Variants in IL15 observed in about 807,000 individuals in gnomAD.
IL15 encodes the protein interleukin-15.
A neutral mutation model predicts 19.6 loss-of-function variants in IL15; 11 were observed. The observed-to-expected ratio is 0.56, with a 90% CI of 0.35 to 0.93. IL15 has a LOEUF of 0.93. IL15 is among the 40% of genes least tolerant of loss of function. The pLI is 0.01. For missense variants in IL15, 197 were observed against 186.5 expected (o/e 1.06, Z -0.33); for synonymous variants, 58 against 59.6 (o/e 0.97, Z 0.12).
chr4:141,667,880 T>C (rs777321075), intron 2 of IL15, among the ~76,000 whole-genome samples: 6 of 152,308 alleles, frequency 3.9e-5, no homozygotes, highest in Admixed American at 2.0e-4. Context: ...ATCACTGTCG[T>C]CATCTACCAT....
At chr4:141,716,032 T>A (rs1729872252) in intron 2 of IL15, 1 of 151,824 alleles carries the variant, frequency 6.6e-6, no homozygotes, top group South Asian at 2.1e-4. Flanking sequence ...TGACTACGAG[T>A]CTAAGGGACA....
intron 4 of IL15, chr4:141,721,286 T>C: frequency 1.5e-6 from 1 of 687,028 alleles, no homozygotes; most frequent in Non-Finnish European, 2.6e-6. Context: ...CATTCCAATG[T>C]TACTTGGTCA....
At chr4:141,637,924 C>T (rs1018857450) in intron 1 of IL15, among the ~76,000 whole-genome samples, 1 of 152,074 alleles carries the variant, frequency 6.6e-6, no homozygotes, top group African/African-American at 2.4e-5. Flanking sequence ...ATGCATCCTG[C>T]CATGTAGAGG....
In IL15 at chr4:141,729,786, C is replaced by T. The variant is rs548976549; in HGVS notation, c.241-61C>T. ...ATTGACTTTTTGAAAATCAAAATTA[C>T]ATCAGTATGAAAATTAATAATCAGA... On this transcript the variant is annotated intron_variant, in intron 6 of 7. Transcript: ENST00000320650. 54 of 894,350 alleles carry T rather than the reference C, an allele frequency of 6.0e-5. 1 individual carries two copies. The African/African-American group carries it at 7.5e-4, about 12-fold the overall frequency. 55.4% of individuals were successfully genotyped at this position (894,350 alleles called of 1,614,324 possible).
At chr4:141,676,913 T>C (rs1388905629) in intron 2 of IL15, among the ~76,000 whole-genome samples, 1 of 152,176 alleles carries the variant, frequency 6.6e-6, no homozygotes, top group African/African-American at 2.4e-5. Flanking sequence ...TGCCACACTA[T>C]GAGGAAGAAG....
intron 7 of IL15, among the ~76,000 whole-genome samples, chr4:141,730,760 C>T (rs1178432251): frequency 6.6e-6 from 1 of 152,074 alleles, no homozygotes. Flanking sequence ...CATGGCAAAA[C>T]ACCAGTGGCC....
chr4:141,713,263 A>G (rs1729767818), intron 2 of IL15, among the ~76,000 whole-genome samples: 1 of 152,216 alleles, frequency 6.6e-6, no homozygotes, highest in Admixed American at 6.5e-5. Context: ...GCTGTACTTA[A>G]ATTAGGACTG....
chr4:141,662,254 T>C (rs1727816543), intron 2 of IL15, among the ~76,000 whole-genome samples: 1 of 152,244 alleles, frequency 6.6e-6, no homozygotes, highest in Non-Finnish European at 1.5e-5. Flanking sequence ...CCTTGTTGAC[T>C]TTTTCTTTTA....
At chr4:141,719,302 A>G in intron 2 of IL15, 64 bp from the exon 3 acceptor site, 1 of 545,304 alleles carries the variant, frequency 1.8e-6, no homozygotes. Flanking sequence ...ATAAGTATTA[A>G]TTCCCTCCCT....
At position 141,728,254 on chromosome 4, in the gene IL15, A is replaced by T. The variant is rs774062717; in HGVS notation, c.240+270A>T. On this transcript the variant is annotated intron_variant, in intron 6 of 7. Transcript: ENST00000320650. Reference sequence around the variant, plus strand: ...ACAAGATACATTATACGTTTTTGTGATGCAGTTGCATCATGGTGCAATTAG... The same window carrying T: ...ACAAGATACATTATACGTTTTTGTGTTGCAGTTGCATCATGGTGCAATTAG... Among the ~76,000 whole-genome samples the T allele has an allele frequency of 6.6e-5, 10 of 152,196 alleles. No homozygotes were observed. The South Asian group carries it at 1.0e-3, about 16-fold the overall frequency.
At chr4:141,713,575 T>A (rs1445431173) in intron 2 of IL15, among the ~76,000 whole-genome samples, 1 of 152,206 alleles carries the variant, frequency 6.6e-6, no homozygotes, top group Non-Finnish European at 1.5e-5. Context: ...GTGACAGTTT[T>A]GTGGAGTCTT....
chr4:141,684,466 T>A (rs989477589), intron 2 of IL15, among the ~76,000 whole-genome samples: 1 of 152,232 alleles, frequency 6.6e-6, no homozygotes, highest in Non-Finnish European at 1.5e-5. Context: ...TCTAAAGTGA[T>A]ATCCCATTGC....
intron 1 of IL15, among the ~76,000 whole-genome samples, chr4:141,642,257 A>C (rs961805476): frequency 1.3e-5 from 2 of 152,056 alleles, no homozygotes; most frequent in African/African-American, 4.8e-5. Context: ...GGAAGTGAGG[A>C]AGGAGAACTT....
At chr4:141,707,323 T>G (rs1729551878) in intron 2 of IL15, among the ~76,000 whole-genome samples, 1 of 152,148 alleles carries the variant, frequency 6.6e-6, no homozygotes, top group African/African-American at 2.4e-5. Flanking sequence ...TGTTTGTCTG[T>G]GTTCTATTGT....
intron 1 of IL15, 59 bp from the exon 2 acceptor site, chr4:141,656,127 G>T (rs2152158643): frequency 5.0e-6 from 2 of 397,390 alleles, no homozygotes; most frequent in South Asian, 1.3e-4. Context: ...ATCTGAGGAA[G>T]GGAGGATTAC....
At chr4:141,702,965 C>T (rs1471255458) in intron 2 of IL15, among the ~76,000 whole-genome samples, 1 of 152,112 alleles carries the variant, frequency 6.6e-6, no homozygotes, top group Non-Finnish European at 1.5e-5. Context: ...GTTTGCAGGC[C>T]ACTAGGGTAA....
intron 7 of IL15, 57 bp from the exon 8 acceptor site, chr4:141,732,681 A>AATGT: frequency 6.3e-7 from 1 of 1,587,442 alleles, no homozygotes; most frequent in Non-Finnish European, 8.6e-7. Flanking sequence ...CATTCCCATG[A>AATGT]ATGTATATTT....
intron 2 of IL15, among the ~76,000 whole-genome samples, chr4:141,712,311 C>T (rs187675364): frequency 3.9e-4 from 60 of 152,096 alleles, no homozygotes; most frequent in Non-Finnish European, 3.5e-4. Context: ...TGATTGTTTC[C>T]GGACAGTAGG....
chr4:141,706,756 C>A (rs1397935049), intron 2 of IL15, among the ~76,000 whole-genome samples: 1 of 151,682 alleles, frequency 6.6e-6, no homozygotes, highest in African/African-American at 2.4e-5. Flanking sequence ...GCCATTCTCT[C>A]CTAGTCTGCT....
Sources: gnomAD v4.1 joint callset for allele counts (sites outside exome capture counted in the v4.1 genomes callset) on GRCh38, gnomAD v4.1.1 for gene constraint, MANE v1.5 for transcripts, NCBI Gene and HGNC (gene_info 2026-07-23, HGNC 2026-07-21) for gene names.